MAPKAPK5: variants seen among roughly 807,000 people sequenced by gnomAD.
MAPKAPK5 encodes MAPK activated protein kinase 5, also known as MAP kinase-activated protein kinase 5.
In MAPKAPK5, 30 loss-of-function variants were observed where a neutral mutation model predicts 65.1. The ratio of observed to expected loss-of-function variants is 0.46; its 90% CI spans 0.34 to 0.63. The LOEUF is 0.63. MAPKAPK5 is among the 20% of genes least tolerant of loss of function. The pLI is 0.01. For synonymous variants in MAPKAPK5, 179 were observed against 204.6 expected (o/e 0.87, Z 1.07); for missense variants, 433 against 581.4 (o/e 0.74, Z 2.63).
At chr12:111,869,884 T>C (rs1388534958) in intron 5 of MAPKAPK5, among the ~76,000 whole-genome samples, 1 of 152,260 alleles carries the variant, frequency 6.6e-6, no homozygotes, top group Non-Finnish European at 1.5e-5. Flanking sequence ...CATTCTTGTC[T>C]GAGCCCTGCT....
At chr12:111,850,719 AG>A (rs1354584296) in intron 1 of MAPKAPK5, among the ~76,000 whole-genome samples, 1 of 152,182 alleles carries the variant, frequency 6.6e-6, no homozygotes, top group Non-Finnish European at 1.5e-5. Context: ...AGTGAGTGCC[AG>A]GATTTAAGGC....
intron 1 of MAPKAPK5, among the ~76,000 whole-genome samples, chr12:111,849,679 G>T (rs944819212): frequency 6.6e-6 from 1 of 152,064 alleles, no homozygotes; most frequent in African/African-American, 2.4e-5. Context: ...AGAGCAAAAG[G>T]TTTTAAATTT....
intron 7 of MAPKAPK5, among the ~76,000 whole-genome samples, chr12:111,877,996 C>CT (rs1375150046): frequency 2.7e-5 from 4 of 148,390 alleles, no homozygotes; most frequent in East Asian, 2.0e-4. Context: ...CCAGCTGACT[C>CT]TGACTCTTTT....
rs548902155 is a variant in MAPKAPK5 at position 111,883,252 on chromosome 12, G to T, written c.661-329G>T. Among the ~76,000 whole-genome samples the T allele has an allele frequency of 6.6e-6, 1 of 152,120 alleles. No homozygotes were observed. The highest frequency in any genetic ancestry group is 1.9e-4 in the East Asian group (1 of 5,190). ...TTAGCCAGGCGGCATGGTGGCACAT[G>T]CCTGTAATCCCAGCTACTCAGGAGG... On this transcript the variant is annotated intron_variant, in intron 8 of 13. Coordinates refer to ENST00000550735, the MANE Select transcript of MAPKAPK5 (RefSeq NM_003668.4). This position sits in a 1 kb window ranked among gnomAD's most constrained non-coding sequence, Gnocchi z 4.8.
At chr12:111,853,953 C>T (rs1439439071) in intron 1 of MAPKAPK5, among the ~76,000 whole-genome samples, 7 of 152,082 alleles carry the variant, frequency 4.6e-5, no homozygotes, top group African/African-American at 1.2e-4. Flanking sequence ...GGTAATATTA[C>T]GTTATTTTCA....
chr12:111,885,650 TA>T (rs1442602628), intron 9 of MAPKAPK5: 4 of 399,298 alleles, frequency 1.0e-5, no homozygotes, highest in Non-Finnish European at 1.8e-5. Flanking sequence ...ATTACCTTAT[TA>T]AACCCTAGAA....
Position 111,871,168 on chromosome 12 carries a change from T to C in MAPKAPK5, c.567T>C (p.Tyr189=), listed in dbSNP as rs764597468. Residue 189 remains tyrosine (Y), a synonymous_variant, in exon 7 of 14, where the codon TAT becomes TAC. Coordinates refer to ENST00000550735, the MANE Select transcript of MAPKAPK5 (RefSeq NM_003668.4). ...TGACACCCCAGTTCACCCCTTATTA[T>C]GTAGCACCCCAGGTAAGCATGTGCG... is the stretch of plus-strand genomic sequence containing the variant. ...DLMTPQFTPY[Y]VAPQVLEAQR... is the part of the protein sequence containing the mutation. The C allele has an allele frequency of 1.4e-5, 22 of 1,613,556 alleles. No individual in the cohort carries two copies. Among genetic ancestry groups the C allele is most frequent in the East Asian group, 2.2e-5 (1 of 44,882 alleles).
At chr12:111,844,448 C>T (rs2068841591) in intron 1 of MAPKAPK5, among the ~76,000 whole-genome samples, 1 of 152,214 alleles carries the variant, frequency 6.6e-6, no homozygotes, top group African/African-American at 2.4e-5. Context: ...GCCTCGGCCT[C>T]CCAAAGTTCT....
At chr12:111,888,032 G>C (rs1052447073) in intron 10 of MAPKAPK5, 18 of 167,686 alleles carry the variant, frequency 1.1e-4, no homozygotes, top group South Asian at 9.2e-4. Context: ...TAAATTACTT[G>C]ACTGGTTGTG....
At chr12:111,861,525 A>C (rs1005932605) in intron 1 of MAPKAPK5, among the ~76,000 whole-genome samples, 13 of 151,994 alleles carry the variant, frequency 8.6e-5, no homozygotes, top group Admixed American at 1.3e-4. Context: ...ATGGGGTTTC[A>C]CCATGTTGGT....
rs746642011 is a variant in MAPKAPK5, at chr12:111,867,552, TTTC to T, written c.187-19_187-17del. The T allele has an allele frequency of 1.8e-3, 2,848 of 1,593,356 alleles. 2 individuals carry two copies. Among genetic ancestry groups the T allele is most frequent in the Non-Finnish European group, 2.0e-3 (2,295 of 1,161,294 alleles). On this transcript the variant is annotated splice_polypyrimidine_tract_variant and intron_variant, in intron 3 of 13. Transcript: ENST00000550735. ...TTGGTATCCCCTACCTATTGATACA[TTTC>T]CTCTGTTCTCTTTAAGGTACGTCTG...
intron 1 of MAPKAPK5, among the ~76,000 whole-genome samples, chr12:111,858,202 G>T (rs1349933696): frequency 6.6e-6 from 1 of 152,086 alleles, no homozygotes; most frequent in African/African-American, 2.4e-5. Context: ...ACTGCACCTG[G>T]TCTTGTCTTT....
chr12:111,874,677 G>T (rs2069900402), intron 7 of MAPKAPK5, among the ~76,000 whole-genome samples: 1 of 150,258 alleles, frequency 6.7e-6, no homozygotes, highest in South Asian at 2.1e-4. Flanking sequence ...TGGCCAGGCT[G>T]GTCTCGAACT....
intron 1 of MAPKAPK5, among the ~76,000 whole-genome samples, chr12:111,851,497 T>G (rs974342039): frequency 3.3e-5 from 5 of 152,148 alleles, no homozygotes; most frequent in Admixed American, 2.6e-4. Flanking sequence ...GGCTAATTTT[T>G]GTATTTTTAG....
chr12:111,864,334 G>A (rs1446353809), intron 1 of MAPKAPK5, among the ~76,000 whole-genome samples: 1 of 152,136 alleles, frequency 6.6e-6, no homozygotes, highest in African/African-American at 2.4e-5. Flanking sequence ...CCGAGTAGCT[G>A]GGACTATAGG....
rs893281386 is a variant in MAPKAPK5 at position 111,900,788 on chromosome 12, A to C, written c.*7727A>C. The C allele has an allele frequency of 5.5e-5, 25 of 456,130 alleles. No individual in the cohort carries two copies. Among genetic ancestry groups the C allele is most frequent in the African/African-American group, 4.2e-4 (21 of 50,216 alleles). The allele number at this position is 456,130 out of a possible 1,614,324, so 28.3% of individuals were successfully genotyped here. ...CAGAATTTTGCAATGGTACATCTGCATTATGCCCCAACAACAGGCATAAGC... is the reference window on the plus strand; with the variant it reads ...CAGAATTTTGCAATGGTACATCTGCCTTATGCCCCAACAACAGGCATAAGC... On this transcript the variant is annotated 3_prime_UTR_variant, in exon 14 of 14. Coordinates refer to ENST00000550735, the MANE Select transcript of MAPKAPK5 (RefSeq NM_003668.4).
At position 111,889,089 on chromosome 12, in the gene MAPKAPK5, G is replaced by A. The variant is rs1016655016; in HGVS notation, c.1216+89G>A. 7.9e-6 allele frequency: 11 copies of A among 1,394,194 alleles called. No homozygotes were observed. In the South Asian group the frequency reaches 1.5e-4, roughly 19 times the overall value. 86.4% of individuals were successfully genotyped at this position (1,394,194 alleles called of 1,614,324 possible). A position where few individuals can be genotyped will look rare whatever the true frequency, so the allele number is the denominator to read the frequency against. ...GGGTGTATGCATGCACATGGCAAAAGGAATGGTTTAATTTTGGGTTGTCTG... is the reference window on the plus strand; with the variant it reads ...GGGTGTATGCATGCACATGGCAAAAAGAATGGTTTAATTTTGGGTTGTCTG... On this transcript the variant is annotated intron_variant, in intron 12 of 13. Coordinates refer to ENST00000550735, the MANE Select transcript of MAPKAPK5 (RefSeq NM_003668.4).
intron 7 of MAPKAPK5, among the ~76,000 whole-genome samples, chr12:111,876,342 A>G (rs1036138684): frequency 2.6e-5 from 4 of 151,972 alleles, no homozygotes; most frequent in Admixed American, 2.0e-4. Flanking sequence ...CCTATGTGGT[A>G]TTATGCTTAT....
intron 3 of MAPKAPK5, 38 bp downstream of exon 3, chr12:111,866,269 G>A: frequency 6.4e-7 from 1 of 1,559,928 alleles, no homozygotes; most frequent in Non-Finnish European, 8.7e-7. Context: ...AATAGTTGAA[G>A]TGCCTAAGAA....
Sources: allele counts gnomAD v4.1 joint callset (sites outside exome capture counted in the v4.1 genomes callset), GRCh38; gene constraint gnomAD v4.1.1; non-coding constraint Gnocchi (gnomAD v3.1); transcripts MANE v1.5; gene names NCBI Gene and HGNC (gene_info 2026-07-23, HGNC 2026-07-21).